FMO3: variants seen among roughly 807,000 people sequenced by gnomAD.
The protein encoded by FMO3 is flavin containing dimethylaniline monoxygenase 3.
FMO3 carries 40 observed loss-of-function variants against 39.4 expected under a neutral mutation model. That is an observed-to-expected ratio of 1.02 (90% CI 0.79 to 1.32). The LOEUF (loss-of-function observed/expected upper bound fraction) is 1.32. Ranked by LOEUF, FMO3 falls within the 40% of genes most tolerant of loss-of-function variation. The probability of loss-of-function intolerance (pLI) is 0.00; values close to 1 mark genes in which losing one functional copy is unlikely to be tolerated. For missense variants in FMO3, 680 were observed against 651.8 expected (o/e 1.04, Z -0.47); for synonymous variants, 219 against 228.8 (o/e 0.96, Z 0.39).
At chr1:171,092,102 G>A (rs1488116438) in intron 1 of FMO3, among the ~76,000 whole-genome samples, 1 of 152,062 alleles carries the variant, frequency 6.6e-6, no homozygotes, top group Non-Finnish European at 1.5e-5. Context: ...TGTATGCTGG[G>A]TCATCAGTCT....
At position 171,092,591 on chromosome 1, in the gene FMO3, A is replaced by T. The variant is rs573812548; in HGVS notation, c.-6-62A>T. On this transcript the variant is annotated intron_variant, in intron 1 of 8. Coordinates refer to ENST00000367755, the MANE Select transcript of FMO3 (RefSeq NM_001002294.3). ...AAGAGCGAAATCAAAATAAATAGAT[A>T]AATAAGTAAATACATTTTCAGCAAT... 4.6e-5 allele frequency: 72 copies of T among 1,582,112 alleles called. No homozygotes were observed. The South Asian group carries it at 7.4e-4, about 16-fold the overall frequency.
At chr1:171,106,729 A>G (rs988603571) in intron 3 of FMO3, among the ~76,000 whole-genome samples, 2 of 152,192 alleles carry the variant, frequency 1.3e-5, no homozygotes, top group Admixed American at 6.6e-5. Context: ...TATATAAATT[A>G]CTAGAATTCA....
At chr1:171,092,845 G>A (rs1165980704) in intron 2 of FMO3, 55 bp downstream of exon 2, 2 of 1,591,540 alleles carry the variant, frequency 1.3e-6, no homozygotes, top group African/African-American at 1.3e-5. Context: ...GTGTATAAGA[G>A]CACACTGTGT....
Position 171,117,333 on chromosome 1 carries a change from T to C in FMO3, c.1490T>C (p.Met497Thr), listed in dbSNP as rs139098618. 4 of 1,613,700 alleles carry C rather than the reference T, an allele frequency of 2.5e-6. No individual in the cohort carries two copies. The African/African-American group carries it at 5.3e-5, about 22-fold the overall frequency. The change falls in exon 9 of 9, where the codon ATG becomes ACG. Residue 497 changes from methionine (M) to threonine (T), a missense_variant. Physicochemically the swap from Met to Thr is moderately conservative, Grantham distance 81. Coordinates refer to ENST00000367755, the MANE Select transcript of FMO3 (RefSeq NM_001002294.3). The part of the protein sequence containing the change: ...LTQWDRSLKP[M>T]QTRVVGRLQK... ...CAGTGGGACCGGTCGTTGAAACCCA[T>C]GCAGACACGAGTGGTCGGGAGACTT...
intron 5 of FMO3, 126 bp from the exon 6 acceptor site, chr1:171,110,672 T>C: frequency 1.2e-6 from 1 of 860,582 alleles, no homozygotes; most frequent in Non-Finnish European, 2.0e-6. Flanking sequence ...AGCTGAGAGA[T>C]GTCTTCTGAC....
chr1:171,110,995 TGGGTAATGCAGAGC>T lies in FMO3; in HGVS notation c.826_827+12del. The T allele has an allele frequency of 1.2e-6, 2 of 1,612,808 alleles. No homozygotes were observed. Among genetic ancestry groups the T allele is most frequent in the Non-Finnish European group, 1.7e-6 (2 of 1,179,144 alleles). On this transcript the variant is annotated splice_donor_variant and splice_donor_5th_base_variant and coding_sequence_variant and intron_variant, in exon 6 of 9. Transcript: ENST00000367755. LOFTEE classifies it high-confidence loss of function. ...AAAACTATGGCTTGATGCCTTTAAA[TGGGTAATGCAGAGC>T]TAAACGTGATATGCCTGCTGGCTTT... is the stretch of plus-strand genomic sequence containing the variant.
chr1:171,110,690 T>G lies in FMO3; in HGVS notation c.628-108T>G, dbSNP rs1571222055. 14 of 1,032,796 alleles carry G rather than the reference T, an allele frequency of 1.4e-5. No homozygotes were observed. In the East Asian group the frequency reaches 3.3e-4, roughly 25 times the overall value. 64.0% of individuals were successfully genotyped at this position (1,032,796 alleles called of 1,614,324 possible). A position where few individuals can be genotyped will look rare whatever the true frequency, so the allele number is the denominator to read the frequency against. ...TGAGAGATGTCTTCTGACACCACTT[T>G]CTGCAGCTGGGGTAATAGATCCATT... On this transcript the variant is annotated intron_variant, in intron 5 of 8. Transcript: ENST00000367755.
At chr1:171,096,057 ATATATAT>A (rs1209990708) in intron 2 of FMO3, among the ~76,000 whole-genome samples, 1 of 50,600 alleles carries the variant, frequency 2.0e-5, no homozygotes, top group Non-Finnish European at 2.8e-5. Flanking sequence ...TAAATATATA[ATATATAT>A]TATATATTAA....
chr1:171,103,939 A>G lies in FMO3; in HGVS notation c.287A>G (p.Lys96Arg), dbSNP rs1290261686. ...KIQEYIIAFA[K>R]EKNLLKYIQF... ...CAGGAATATATCATTGCATTTGCCA[A>G]AGAAAAGAACCTCCTGAAGTACATA... The change falls in exon 3 of 9, where the codon AAA becomes AGA. Residue 96 changes from lysine (K) to arginine (R), a missense_variant. Lys to Arg is a conservative substitution (Grantham distance 26). Coordinates refer to ENST00000367755, the MANE Select transcript of FMO3 (RefSeq NM_001002294.3). 1 of 1,613,764 alleles carries G rather than the reference A, an allele frequency of 6.2e-7. No homozygotes were observed. The highest frequency in any genetic ancestry group is 8.5e-7 in the Non-Finnish European group (1 of 1,179,852).
chr1:171,098,020 T>G (rs1446846785), intron 2 of FMO3, among the ~76,000 whole-genome samples: 1 of 152,228 alleles, frequency 6.6e-6, no homozygotes, highest in South Asian at 2.1e-4. Context: ...GCTAGCCAGT[T>G]TTCCCAGCAC....
At chr1:171,106,949 A>G (rs753830160) in intron 3 of FMO3, among the ~76,000 whole-genome samples, 1 of 152,216 alleles carries the variant, frequency 6.6e-6, no homozygotes, top group African/African-American at 2.4e-5. Context: ...TCATTTTATT[A>G]TATTTCATAA....
intron 1 of FMO3, among the ~76,000 whole-genome samples, chr1:171,092,343 C>T (rs1484521922): frequency 6.6e-6 from 1 of 152,142 alleles, no homozygotes; most frequent in Non-Finnish European, 1.5e-5. Flanking sequence ...CCTCAGCCTC[C>T]TGAGTAGCTG....
At chr1:171,103,360 T>C (rs1655489493) in intron 2 of FMO3, among the ~76,000 whole-genome samples, 1 of 152,236 alleles carries the variant, frequency 6.6e-6, no homozygotes, top group African/African-American at 2.4e-5. Flanking sequence ...TTAATTTATG[T>C]GTGTCTTACC....
chr1:171,093,466 T>C (rs1348749240), intron 2 of FMO3, among the ~76,000 whole-genome samples: 5 of 151,296 alleles, frequency 3.3e-5, no homozygotes, highest in African/African-American at 7.4e-5. Context: ...TTTCATTCTG[T>C]ATTCTCGCTG....
In FMO3 at chr1:171,114,260, C is replaced by T; in HGVS notation, c.1081C>T (p.Leu361Phe). The T allele has an allele frequency of 6.2e-7, 1 of 1,613,942 alleles. No homozygotes were observed. The highest frequency in any genetic ancestry group is 8.5e-7 in the Non-Finnish European group (1 of 1,179,918). The change falls in exon 7 of 9, where the codon CTT becomes TTT. Residue 361 changes from leucine to phenylalanine, a missense_variant. Coordinates refer to ENST00000367755, the MANE Select transcript of FMO3 (RefSeq NM_001002294.3). ...ATTTAAAGGAGTATTTCCTCCTCTACTTGAGAAGTCAACCATAGCAGTGAT... is the reference window on the plus strand; with the variant it reads ...ATTTAAAGGAGTATTTCCTCCTCTATTTGAGAAGTCAACCATAGCAGTGAT... ...ILFKGVFPPL[L>F]EKSTIAVIGF... is the part of the protein sequence containing the mutation.
chr1:171,111,931 C>T (rs1655931909), intron 6 of FMO3, among the ~76,000 whole-genome samples: 1 of 152,060 alleles, frequency 6.6e-6, no homozygotes, highest in South Asian at 2.1e-4. Context: ...GAAAACAAAG[C>T]AGATAAAGGT....
intron 2 of FMO3, among the ~76,000 whole-genome samples, chr1:171,096,074 A>ATATATAATATATATTAATATTTT (rs1655008833): frequency 1.5e-5 from 1 of 66,058 alleles, no homozygotes; most frequent in East Asian, 3.8e-4. Context: ...TTATATATTA[A>ATATATAATATATATTAATATTTT]TATATAATAT....
intron 2 of FMO3, among the ~76,000 whole-genome samples, chr1:171,093,788 AC>A (rs955999641): frequency 2.7e-5 from 4 of 148,638 alleles, no homozygotes; most frequent in African/African-American, 9.9e-5. Context: ...TTATATTCCA[AC>A]CAACAGTGTT....
At chr1:171,114,443 C>T (rs1656058051) in intron 7 of FMO3, 81 bp downstream of exon 7, 1 of 1,055,920 alleles carries the variant, frequency 9.5e-7, no homozygotes, top group Admixed American at 2.0e-5. Flanking sequence ...AACAATAATC[C>T]TAGTTACAAG....
Sources: gnomAD v4.1 joint callset for allele counts (sites outside exome capture counted in the v4.1 genomes callset) on GRCh38, gnomAD v4.1.1 for gene constraint, MANE v1.5 for transcripts, NCBI Gene and HGNC (gene_info 2026-07-23, HGNC 2026-07-21) for gene names.